KAZN: variants seen among roughly 807,000 people sequenced by gnomAD.
The protein encoded by KAZN is kazrin, periplakin interacting protein, also known as kazrin.
A neutral mutation model predicts 87.4 loss-of-function variants in KAZN; 40 were observed. That is an observed-to-expected ratio of 0.46 (90% CI 0.36 to 0.60). The LOEUF (loss-of-function observed/expected upper bound fraction) is 0.60. Ranked by LOEUF, KAZN falls within the 20% of genes least tolerant of loss-of-function variation. KAZN has a pLI of 0.00. For missense variants in KAZN, 898 were observed against 1,073.9 expected, an observed-to-expected ratio of 0.84 and a Z score of 2.29; for synonymous variants, 466 against 458.3, an observed-to-expected ratio of 1.02 and a Z score of -0.22.
intron 2 of KAZN, among the ~76,000 whole-genome samples, chr1:14,433,036 C>T (rs1342299787): frequency 6.6e-6 from 1 of 152,046 alleles, no homozygotes; most frequent in East Asian, 1.9e-4. Context: ...ACAAATTATT[C>T]AGTCTCTCTG....
chr1:14,927,111 T>C (rs1308812662), intron 1 of KAZN, among the ~76,000 whole-genome samples: 1 of 152,192 alleles, frequency 6.6e-6, no homozygotes, highest in Non-Finnish European at 1.5e-5. Flanking sequence ...TGCGTTTTAC[T>C]CTGAGATGTT....
At chr1:14,199,055 G>A (rs1646586113) in intron 2 of KAZN, among the ~76,000 whole-genome samples, 7 of 152,152 alleles carry the variant, frequency 4.6e-5, no homozygotes, top group Admixed American at 4.6e-4. Flanking sequence ...CGATGATATG[G>A]GAATAAGGAT....
chr1:14,653,760 G>T (rs182581966), intron 1 of KAZN, among the ~76,000 whole-genome samples: 8 of 152,322 alleles, frequency 5.3e-5, no homozygotes, highest in African/African-American at 1.9e-4. Context: ...AGTGAATAAA[G>T]GTTAAGTCAA....
intron 1 of KAZN, among the ~76,000 whole-genome samples, chr1:14,038,655 G>A (rs1264476621): frequency 6.6e-6 from 1 of 152,154 alleles, no homozygotes; most frequent in Non-Finnish European, 1.5e-5. Flanking sequence ...GAGAGTCCTC[G>A]GGAGGGGTGC....
intron 2 of KAZN, among the ~76,000 whole-genome samples, chr1:14,411,312 T>C (rs1664286355): frequency 1.3e-5 from 2 of 152,224 alleles, no homozygotes; most frequent in African/African-American, 2.4e-5. Flanking sequence ...AATTTCTTTT[T>C]GAGACCGAGT....
At chr1:14,928,247 G>A (rs1180213019) in intron 1 of KAZN, among the ~76,000 whole-genome samples, 2 of 152,006 alleles carry the variant, frequency 1.3e-5, no homozygotes, top group East Asian at 1.9e-4. Context: ...TCAGGAGATC[G>A]AGACCATCCT....
At chr1:14,450,063 T>C (rs915026264) in intron 2 of KAZN, among the ~76,000 whole-genome samples, 1 of 152,126 alleles carries the variant, frequency 6.6e-6, no homozygotes, top group Non-Finnish European at 1.5e-5. Flanking sequence ...AATGCTTTCA[T>C]GCAAATCTTA....
At chr1:13,971,568 A>T (rs542469337) in intron 1 of KAZN, among the ~76,000 whole-genome samples, 3 of 151,946 alleles carry the variant, frequency 2.0e-5, no homozygotes, top group Non-Finnish European at 4.4e-5. Context: ...AGTTTAAGGG[A>T]TGCATATCCA....
chr1:14,874,617 G>C (rs1210900737), intron 1 of KAZN, among the ~76,000 whole-genome samples: 5 of 152,178 alleles, frequency 3.3e-5, no homozygotes, highest in African/African-American at 9.7e-5. Flanking sequence ...TTAAGCAACT[G>C]TTGCCTGACA....
intron 1 of KAZN, among the ~76,000 whole-genome samples, chr1:14,004,502 T>C (rs1639949374): frequency 1.3e-5 from 2 of 151,858 alleles, no homozygotes; most frequent in Non-Finnish European, 2.9e-5. Flanking sequence ...AACAGAAAAA[T>C]GAATAAATAT....
intron 1 of KAZN, among the ~76,000 whole-genome samples, chr1:13,953,229 G>A (rs1641421146): frequency 6.6e-6 from 1 of 152,172 alleles, no homozygotes; most frequent in South Asian, 2.1e-4. Flanking sequence ...TTGACTCAGG[G>A]AGGAGTTAGG....
chr1:14,645,434 CAG>C (rs1195672083), intron 1 of KAZN, among the ~76,000 whole-genome samples: 4 of 152,202 alleles, frequency 2.6e-5, no homozygotes, highest in East Asian at 1.9e-4. Context: ...TATCCATAAA[CAG>C]GGGATAGTTT....
chr1:14,024,445 TGGCAGTCA>T (rs1640981282), intron 1 of KAZN, among the ~76,000 whole-genome samples: 2 of 152,250 alleles, frequency 1.3e-5, no homozygotes, highest in Non-Finnish European at 2.9e-5. Flanking sequence ...AGTTCCTTAG[TGGCAGTCA>T]GGCTACTGTT....
At chr1:14,770,981 TC>T (rs1645004224) in intron 1 of KAZN, among the ~76,000 whole-genome samples, 3 of 152,084 alleles carry the variant, frequency 2.0e-5, no homozygotes, top group African/African-American at 7.2e-5. Context: ...CCACAGGTGT[TC>T]CCATGTTCAG....
intron 2 of KAZN, among the ~76,000 whole-genome samples, chr1:14,509,491 C>A (rs1051700462): frequency 7.2e-5 from 11 of 152,172 alleles, no homozygotes; most frequent in Non-Finnish European, 1.5e-4. Context: ...GCATGTGAAG[C>A]CTCCTTTGAC....
intron 2 of KAZN, among the ~76,000 whole-genome samples, chr1:14,344,613 T>C (rs766118519): frequency 2.7e-4 from 41 of 152,034 alleles, no homozygotes; most frequent in Non-Finnish European, 5.0e-4. Context: ...GCATGTCAGA[T>C]TGTGATAAAT....
intron 1 of KAZN, chr1:14,692,355 T>G (rs570229159): frequency 2.7e-6 from 1 of 369,180 alleles, no homozygotes; most frequent in Admixed American, 4.8e-5. Context: ...CTTTTCTTCT[T>G]GTTATTTTGC....
At chr1:14,870,428 C>T (rs1357431491) in intron 1 of KAZN, among the ~76,000 whole-genome samples, 2 of 152,216 alleles carry the variant, frequency 1.3e-5, no homozygotes, top group Non-Finnish European at 2.9e-5. Context: ...TTGCAACCTC[C>T]ACCTCCTGGG....
chr1:14,747,249 T>C (rs540194667), intron 1 of KAZN, among the ~76,000 whole-genome samples: 205 of 152,274 alleles, frequency 1.3e-3, no homozygotes, highest in Non-Finnish European at 2.2e-3. Context: ...GATAGATAGA[T>C]ATCACATTTT....
Sources: allele counts gnomAD v4.1 joint callset (sites outside exome capture counted in the v4.1 genomes callset), GRCh38; gene constraint gnomAD v4.1.1; transcripts MANE v1.5; gene names NCBI Gene and HGNC (gene_info 2026-07-23, HGNC 2026-07-21).